Variants in KIF26B observed in about 807,000 individuals in gnomAD.
The protein encoded by KIF26B is kinesin family member 26B.
KIF26B carries 63 observed loss-of-function variants against 151.2 expected under a neutral mutation model. That is an observed-to-expected ratio of 0.42 (90% CI 0.34 to 0.51). The LOEUF is 0.51. Ranked by LOEUF, KIF26B falls within the 20% of genes least tolerant of loss-of-function variation. The pLI, the probability that KIF26B is intolerant of heterozygous loss-of-function variation, is 0.07. For missense variants in KIF26B, 2,813 were observed against 2,913.6 expected, an observed-to-expected ratio of 0.97 and a Z score of 0.79; for synonymous variants, 1,357 against 1,262.1, an observed-to-expected ratio of 1.08 and a Z score of -1.59.
In KIF26B at chr1:245,540,861, A is replaced by T. The variant is rs1469321437; in HGVS notation, c.1261A>T (p.Ser421Cys). Residue 421 changes from serine to cysteine, a missense_variant, in exon 5 of 15, where the codon AGT becomes TGT. Around this residue, in one of 3 missense-constraint regions of KIF26B, gnomAD observed 676 missense variants for 688.1 expected, o/e 0.98. Coordinates refer to ENST00000407071, the MANE Select transcript of KIF26B (RefSeq NM_018012.4). The surrounding 1 kb of genome is among the most constrained non-coding windows in gnomAD (Gnocchi z 4.6). ...AEPPLFATSF[S>C]GILQTSPPPA... ...ACCACCGCTCTTTGCAACCAGCTTC[A>T]GTGGGATTCTGCAGACCTCCCCTCC... 23 of 1,613,916 alleles carry T rather than the reference A, an allele frequency of 1.4e-5. No homozygotes were observed. Among genetic ancestry groups the T allele is most frequent in the Middle Eastern group, 1.6e-4 (1 of 6,062 alleles).
chr1:245,259,606 C>T (rs957182626), intron 2 of KIF26B, among the ~76,000 whole-genome samples: 1 of 152,028 alleles, frequency 6.6e-6, no homozygotes, highest in Non-Finnish European at 1.5e-5. Flanking sequence ...CTATGATGTT[C>T]AGAAGCCTCT....
At chr1:245,195,511 C>T (rs982488076) in intron 2 of KIF26B, among the ~76,000 whole-genome samples, 3 of 152,128 alleles carry the variant, frequency 2.0e-5, no homozygotes, top group African/African-American at 7.2e-5. Flanking sequence ...TAAACAGGAG[C>T]CTGTGATTTT....
At chr1:245,399,509 A>G (rs1673942089) in intron 3 of KIF26B, among the ~76,000 whole-genome samples, 1 of 152,214 alleles carries the variant, frequency 6.6e-6, no homozygotes, top group Non-Finnish European at 1.5e-5. Context: ...TGCCAAGGAG[A>G]TCGTCCCTTC....
At chr1:245,539,605 C>T (rs1312850482) in intron 4 of KIF26B, among the ~76,000 whole-genome samples, 1 of 152,126 alleles carries the variant, frequency 6.6e-6, no homozygotes, top group Non-Finnish European at 1.5e-5. Flanking sequence ...CTCACACTGC[C>T]CCTTCCCCTG....
chr1:245,587,391 C>G (rs59075761), intron 5 of KIF26B, among the ~76,000 whole-genome samples: 10,219 of 152,130 alleles, frequency 0.067, 534 homozygotes, highest in East Asian at 0.2. Flanking sequence ...CCCAGAGCCT[C>G]GCACAGTACC....
At chr1:245,595,395 G>T (rs2043328734) in intron 5 of KIF26B, among the ~76,000 whole-genome samples, 1 of 151,168 alleles carries the variant, frequency 6.6e-6, no homozygotes, top group African/African-American at 2.5e-5. Flanking sequence ...TTTGTTGAAG[G>T]CCTTTTCTGC....
intron 2 of KIF26B, among the ~76,000 whole-genome samples, chr1:245,308,586 G>C (rs1346139761): frequency 1.3e-5 from 2 of 152,148 alleles, no homozygotes; most frequent in Non-Finnish European, 2.9e-5. Flanking sequence ...AAAAAGAGTA[G>C]CCGGGCATGG....
At chr1:245,506,615 A>G (rs927249534) in intron 4 of KIF26B, among the ~76,000 whole-genome samples, 2 of 152,156 alleles carry the variant, frequency 1.3e-5, no homozygotes, top group African/African-American at 2.4e-5. Context: ...GGAGGGGTCT[A>G]TGGGATCATC....
At chr1:245,356,236 C>A (rs983170589) in intron 2 of KIF26B, among the ~76,000 whole-genome samples, 6 of 152,092 alleles carry the variant, frequency 3.9e-5, no homozygotes, top group Admixed American at 3.9e-4. Flanking sequence ...TACTAGCAAA[C>A]GTGACAAAAG....
chr1:245,213,659 G>A (rs1669587658), intron 2 of KIF26B, among the ~76,000 whole-genome samples: 2 of 152,200 alleles, frequency 1.3e-5, no homozygotes, highest in Non-Finnish European at 2.9e-5. Context: ...CACCCTGAGA[G>A]CGCTGGGAGC....
chr1:245,547,403 G>A (rs1223840456), intron 5 of KIF26B, among the ~76,000 whole-genome samples: 2 of 151,864 alleles, frequency 1.3e-5, no homozygotes, highest in African/African-American at 4.8e-5. Context: ...TGGCCAAGAT[G>A]GTGAAAACCC....
At chr1:245,469,460 A>AT (rs1197210215) in intron 4 of KIF26B, among the ~76,000 whole-genome samples, 1 of 152,222 alleles carries the variant, frequency 6.6e-6, no homozygotes, top group East Asian at 1.9e-4. Context: ...AGCAGAACTG[A>AT]TTGGCATAGT....
chr1:245,320,733 A>G (rs531203305), intron 2 of KIF26B, among the ~76,000 whole-genome samples: 24 of 152,162 alleles, frequency 1.6e-4, no homozygotes, highest in African/African-American at 5.5e-4. Context: ...GCTGGAGTGC[A>G]ATGGTGTGAT....
At chr1:245,183,792 G>C (rs1412171675) in intron 2 of KIF26B, among the ~76,000 whole-genome samples, 1 of 152,054 alleles carries the variant, frequency 6.6e-6, no homozygotes, top group Non-Finnish European at 1.5e-5. Context: ...ACCTGCATGG[G>C]GTTGGGGAAC....
intron 6 of KIF26B, among the ~76,000 whole-genome samples, chr1:245,605,705 G>A (rs951073193): frequency 6.6e-6 from 1 of 152,198 alleles, no homozygotes; most frequent in South Asian, 2.1e-4. Flanking sequence ...CAGGTCCCAG[G>A]GGAAGCAGCA....
intron 2 of KIF26B, among the ~76,000 whole-genome samples, chr1:245,256,626 G>A (rs138939973): frequency 8.5e-5 from 13 of 152,248 alleles, no homozygotes; most frequent in African/African-American, 3.1e-4. Flanking sequence ...TCCTCTCCGC[G>A]AAGGGCATTC....
chr1:245,393,487 T>C (rs424735), intron 3 of KIF26B, among the ~76,000 whole-genome samples: 1 of 152,224 alleles, frequency 6.6e-6, no homozygotes, highest in Non-Finnish European at 1.5e-5. Context: ...TTCTTCTCTT[T>C]TGTATCATAT....
At chr1:245,274,128 T>G (rs1346194048) in intron 2 of KIF26B, among the ~76,000 whole-genome samples, 1 of 152,244 alleles carries the variant, frequency 6.6e-6, no homozygotes, top group Non-Finnish European at 1.5e-5. Context: ...ATACAAAATC[T>G]ATATGCTTTT....
At chr1:245,617,076 A>C (rs1019909224) in intron 9 of KIF26B, among the ~76,000 whole-genome samples, 3 of 147,078 alleles carry the variant, frequency 2.0e-5, no homozygotes, top group East Asian at 4.2e-4. Context: ...AGACTCTTTA[A>C]TCTGTTTTTT....
Sources: allele counts gnomAD v4.1 joint callset (sites outside exome capture counted in the v4.1 genomes callset), GRCh38; gene constraint gnomAD v4.1.1; regional missense constraint gnomAD v4.1.1; non-coding constraint Gnocchi (gnomAD v3.1); transcripts MANE v1.5; gene names NCBI Gene and HGNC (gene_info 2026-07-23, HGNC 2026-07-21).